The following ARID1B variants were observed in gnomAD, a reference collection of about 807,000 sequenced individuals.
The protein encoded by ARID1B is AT-rich interaction domain 1B.
ARID1B carries 30 observed loss-of-function variants against 212.3 expected under a neutral mutation model. The ratio of observed to expected loss-of-function variants is 0.14; its 90% CI spans 0.11 to 0.19. The LOEUF (loss-of-function observed/expected upper bound fraction) is 0.19, where lower values mean the gene tolerates loss of function less well. Ranked by LOEUF, ARID1B falls within the 10% of genes least tolerant of loss-of-function variation. The pLI, the probability that ARID1B is intolerant of heterozygous loss-of-function variation, is 1.00. For synonymous variants in ARID1B, 1,402 were observed against 1,301.7 expected, an observed-to-expected ratio of 1.08 and a Z score of -1.66; for missense variants, 2,891 against 3,204.0, an observed-to-expected ratio of 0.90 and a Z score of 2.36.
At chr6:157,038,909 CTT>C (rs981799342) in intron 4 of ARID1B, among the ~76,000 whole-genome samples, 1 of 146,902 alleles carries the variant, frequency 6.8e-6, no homozygotes, top group Non-Finnish European at 1.5e-5. Context: ...GTAGCCTTAA[CTT>C]TTTTTTTTTT....
chr6:156,931,050 T>A (rs746885728), intron 3 of ARID1B, among the ~76,000 whole-genome samples: 2 of 151,916 alleles, frequency 1.3e-5, no homozygotes, highest in African/African-American at 2.4e-5. Flanking sequence ...ATTAGCCAGG[T>A]GTGGTGGCAC....
At chr6:156,873,583 C>A (rs936180539) in intron 2 of ARID1B, among the ~76,000 whole-genome samples, 1 of 152,168 alleles carries the variant, frequency 6.6e-6, no homozygotes, top group African/African-American at 2.4e-5. Flanking sequence ...TGCGTTGATG[C>A]AGTTGTGTTT....
chr6:156,860,719 C>A (rs931856339), intron 2 of ARID1B, among the ~76,000 whole-genome samples: 14 of 152,142 alleles, frequency 9.2e-5, no homozygotes, highest in African/African-American at 2.9e-4. Context: ...TTAGTATACC[C>A]ACAAAAGATT....
chr6:157,160,637 TA>T (rs758316181), intron 8 of ARID1B, among the ~76,000 whole-genome samples: 70 of 152,186 alleles, frequency 4.6e-4, no homozygotes, highest in Non-Finnish European at 5.9e-4. Flanking sequence ...TGCTCCTGCT[TA>T]AAAACCCCAA....
At chr6:157,137,325 A>T (rs1044205993) in intron 7 of ARID1B, among the ~76,000 whole-genome samples, 4 of 152,240 alleles carry the variant, frequency 2.6e-5, no homozygotes, top group Non-Finnish European at 5.9e-5. Context: ...ATTTTATGAA[A>T]TAGCACTTTG....
rs760587018 is a variant in ARID1B at position 156,881,974 on chromosome 6, CTAAT to C, written c.1987-19400_1987-19397del. 4.4e-4 allele frequency among the ~76,000 whole-genome samples: 67 copies of C among 152,274 alleles called. 1 individual carries two copies. The highest frequency in any genetic ancestry group is 6.5e-4 in the Non-Finnish European group (44 of 68,020). On this transcript the variant is annotated intron_variant, in intron 2 of 19. Coordinates refer to ENST00000636930, the MANE Select transcript of ARID1B (RefSeq NM_001374828.1). ...TACTTCTGCTTTAAAATAAAATGTA[CTAAT>C]TTATTTCAGAGTCAAGCAATCATAC...
At chr6:156,805,476 A>T (rs1312785504) in intron 1 of ARID1B, among the ~76,000 whole-genome samples, 1 of 152,104 alleles carries the variant, frequency 6.6e-6, no homozygotes, top group Admixed American at 6.6e-5. Flanking sequence ...TATTGTTACC[A>T]TTACTATTCT....
At chr6:157,042,097 C>T (rs1781921680) in intron 4 of ARID1B, among the ~76,000 whole-genome samples, 1 of 152,206 alleles carries the variant, frequency 6.6e-6, no homozygotes, top group South Asian at 2.1e-4. Context: ...CTCCTCTCTG[C>T]TACATAAGCC....
chr6:156,920,184 C>T (rs1790669573), intron 3 of ARID1B, among the ~76,000 whole-genome samples: 1 of 152,264 alleles, frequency 6.6e-6, no homozygotes, highest in South Asian at 2.1e-4. Context: ...CACCTCCCTC[C>T]CCTTCAGCTC....
intron 6 of ARID1B, among the ~76,000 whole-genome samples, chr6:157,112,986 A>T (rs1787041400): frequency 6.7e-6 from 1 of 149,946 alleles, no homozygotes; most frequent in Non-Finnish European, 1.5e-5. Context: ...CAATGGCACG[A>T]TCTCAGCTCA....
At chr6:156,936,897 A>T (rs1213056560) in intron 4 of ARID1B, 1 of 152,184 alleles carries the variant, frequency 6.6e-6, no homozygotes, top group African/African-American at 2.4e-5. Context: ...TGACATGCGT[A>T]CCATACCATA....
chr6:156,924,352 T>A (rs569024595), intron 3 of ARID1B, among the ~76,000 whole-genome samples: 1 of 152,258 alleles, frequency 6.6e-6, no homozygotes, highest in Non-Finnish European at 1.5e-5. Context: ...TCTTTGCTTA[T>A]TAAGTCAAGA....
intron 2 of ARID1B, among the ~76,000 whole-genome samples, chr6:156,884,429 C>T (rs867853664): frequency 1.4e-4 from 22 of 152,100 alleles, no homozygotes; most frequent in African/African-American, 3.6e-4. Flanking sequence ...GCCAGTTGCA[C>T]GGCAGGTCTT....
chr6:157,081,202 G>A (rs1417310449), intron 4 of ARID1B, among the ~76,000 whole-genome samples: 1 of 152,226 alleles, frequency 6.6e-6, no homozygotes, highest in Non-Finnish European at 1.5e-5. Flanking sequence ...ACTGTAGCTT[G>A]AAGGTGCCTT....
At chr6:156,962,908 A>G (rs556505604) in intron 4 of ARID1B, among the ~76,000 whole-genome samples, 46 of 152,056 alleles carry the variant, frequency 3.0e-4, no homozygotes, top group Middle Eastern at 3.4e-3. Context: ...TCAGCCTCCC[A>G]GTAGCTGGGA....
chr6:156,986,406 T>C (rs1562529421), intron 4 of ARID1B, among the ~76,000 whole-genome samples: 1 of 152,218 alleles, frequency 6.6e-6, no homozygotes, highest in South Asian at 2.1e-4. Context: ...AAAGTTTGTC[T>C]AATTATTTTT....
chr6:156,792,307 A>G (rs919186262), intron 1 of ARID1B, among the ~76,000 whole-genome samples: 30 of 152,132 alleles, frequency 2.0e-4, no homozygotes, highest in African/African-American at 7.2e-4. Flanking sequence ...CCCCCTTTTT[A>G]AAAAACCATG....
intron 4 of ARID1B, among the ~76,000 whole-genome samples, chr6:156,961,944 G>C (rs557744312): frequency 1.3e-4 from 20 of 151,984 alleles, no homozygotes; most frequent in African/African-American, 4.6e-4. Flanking sequence ...TTTTACTAGG[G>C]TCAGTAAATG....
intron 8 of ARID1B, among the ~76,000 whole-genome samples, chr6:157,154,732 C>A (rs1178185889): frequency 6.6e-6 from 1 of 151,990 alleles, no homozygotes; most frequent in East Asian, 1.9e-4. Flanking sequence ...GCACCTGCCA[C>A]CATGCCTGGC....
Sources: gnomAD v4.1 joint callset for allele counts (sites outside exome capture counted in the v4.1 genomes callset) on GRCh38, gnomAD v4.1.1 for gene constraint, MANE v1.5 for transcripts, NCBI Gene and HGNC (gene_info 2026-07-23, HGNC 2026-07-21) for gene names.